Variants in MUC5AC observed in about 807,000 individuals in gnomAD.
MUC5AC encodes the protein mucin 5AC, oligomeric mucus/gel-forming, also known as mucin-5AC.
MUC5AC carries 158 observed loss-of-function variants against 169.7 expected under a neutral mutation model. The ratio of observed to expected loss-of-function variants is 0.93; its 90% CI spans 0.82 to 1.06. The LOEUF is 1.06. MUC5AC is among the 50% of genes least tolerant of loss of function. The probability of loss-of-function intolerance (pLI) is 0.00; values close to 1 mark genes in which losing one functional copy is unlikely to be tolerated. For synonymous variants in MUC5AC, 1,975 were observed against 1,237.0 expected (o/e 1.60, Z -12.52); for missense variants, 4,359 against 3,089.9 (o/e 1.41, Z -9.74).
At chr11:1,173,950 TTCAC>T (rs1337731130) in intron 16 of MUC5AC, among the ~76,000 whole-genome samples, 1 of 151,580 alleles carries the variant, frequency 6.6e-6, no homozygotes, top group Non-Finnish European at 1.5e-5. Flanking sequence ...CATTCATTCC[TTCAC>T]TCACTCATTC....
Position 1,162,135 on chromosome 11 carries a change from T to G in MUC5AC, c.440T>G (p.Leu147Arg). The G allele has an allele frequency of 6.2e-7, 1 of 1,612,602 alleles. No homozygotes were observed. Among genetic ancestry groups the G allele is most frequent in the Non-Finnish European group, 8.5e-7 (1 of 1,179,840 alleles). Residue 147 changes from leucine (L) to arginine (R), a missense_variant, in exon 4 of 49, where the codon CTG becomes CGG. Transcript: ENST00000621226. ...LMKVDGVVIQ[L>R]TKGSVLVNGH... ...AAGGTGGATGGCGTGGTCATCCAGC[T>G]GACCAAGGGCTCCGTCCTGGTCAAC...
At position 1,199,392 on chromosome 11, in the gene MUC5AC, G is replaced by A. The variant is rs774637339; in HGVS notation, c.16417G>A (p.Ala5473Thr). 5 of 723,186 alleles carry A rather than the reference G, an allele frequency of 6.9e-6. No individual in the cohort carries two copies. Among genetic ancestry groups the A allele is most frequent in the Non-Finnish European group, 1.3e-5 (5 of 396,772 alleles). 44.8% of individuals were successfully genotyped at this position (723,186 alleles called of 1,614,324 possible). A position where few individuals can be genotyped will look rare whatever the true frequency, so the allele number is the denominator to read the frequency against. ...CCAGCCCGGCGAGACCTGGTCAGAC[G>A]CAGGGAACCACTGTGTGACCCACCA... ...LFYPGETWSD[A>T]GNHCVTHQCE... Residue 5473 changes from alanine to threonine, a missense_variant, in exon 46 of 49, where the codon GCA becomes ACA. Physicochemically the swap from Ala to Thr is moderately conservative, Grantham distance 58. Coordinates refer to ENST00000621226, the MANE Select transcript of MUC5AC (RefSeq NM_001304359.2).
rs560792581 is a variant in MUC5AC at position 1,169,311 on chromosome 11, C to T, written c.1870+285C>T. On this transcript the variant is annotated intron_variant, in intron 15 of 48. Coordinates refer to ENST00000621226, the MANE Select transcript of MUC5AC (RefSeq NM_001304359.2). ...CCTGCACAGGGTGGAGTGGTGGGGA[C>T]GTGGGGAATGGATTCACCCACTCAC... Among the ~76,000 whole-genome samples the T allele has an allele frequency of 5.5e-4, 83 of 152,188 alleles. 1 individual carries two copies. Among genetic ancestry groups the T allele is most frequent in the Admixed American group, 5.3e-3 (81 of 15,292 alleles).
chr11:1,171,757 T>G (rs1860550239), intron 15 of MUC5AC, among the ~76,000 whole-genome samples: 1 of 80,062 alleles, frequency 1.2e-5, no homozygotes, highest in Non-Finnish European at 2.4e-5. Flanking sequence ...ACTCACCCAC[T>G]CAACACTCAC....
chr11:1,198,147 T>C (rs1376725708), intron 42 of MUC5AC, 121 bp from the exon 43 acceptor site: 4 of 690,306 alleles, frequency 5.8e-6, no homozygotes, highest in Non-Finnish European at 1.1e-5. Context: ...GAGATGAGGC[T>C]GGACAAACCC....
chr11:1,199,083 G>C lies in MUC5AC; in HGVS notation c.16297-4G>C, dbSNP rs767114898. The C allele has an allele frequency of 1.3e-6, 1 of 763,940 alleles. No individual in the cohort carries two copies. Among genetic ancestry groups the C allele is most frequent in the South Asian group, 1.3e-5 (1 of 74,430 alleles). The allele number at this position is 763,940 out of a possible 1,614,324, so 47.3% of individuals were successfully genotyped here. A position where few individuals can be genotyped will look rare whatever the true frequency, so the allele number is the denominator to read the frequency against. On this transcript the variant is annotated splice_polypyrimidine_tract_variant and splice_region_variant and intron_variant, in intron 44 of 48. Coordinates refer to ENST00000621226, the MANE Select transcript of MUC5AC (RefSeq NM_001304359.2). ...TTCCAGCCACATGTCCATCCCTCCC[G>C]CAGGGCTTCGAGTACCAGGAGCAGA...
Position 1,174,978 on chromosome 11 carries a change from C to T in MUC5AC, c.2189C>T (p.Thr730Ile). The change falls in exon 18 of 49, where the codon ACC (threonine) becomes ATC (isoleucine). Residue 730 changes from threonine (T) to isoleucine (I), a missense_variant. Physicochemically the swap from Thr to Ile is moderately conservative, Grantham distance 89. Coordinates refer to ENST00000621226, the MANE Select transcript of MUC5AC (RefSeq NM_001304359.2). Reference protein sequence around the residue: ...TCRSLSEGDITCSVGFIPVDG... With the variant: ...TCRSLSEGDIICSVGFIPVDG... ...CGCTCCCTGAGCGAGGGGGACATCA[C>T]CTGCAGTGTTGGCTTCATCCCCGTG... 2.4e-6 allele frequency: 1 copy of T among 409,526 alleles called. No homozygotes were observed. 25.4% of individuals were successfully genotyped at this position (409,526 alleles called of 1,614,324 possible).
chr11:1,200,586 C>T lies in MUC5AC; in HGVS notation c.16849C>T (p.Arg5617Trp), dbSNP rs754290834. 22 of 764,374 alleles carry T rather than the reference C, an allele frequency of 2.9e-5. No homozygotes were observed. Among genetic ancestry groups the T allele is most frequent in the Admixed American group, 1.0e-4 (6 of 58,960 alleles). The allele number at this position is 764,374 out of a possible 1,614,324, so 47.3% of individuals were successfully genotyped here. Residue 5617 changes from arginine (R) to tryptophan (W), a missense_variant, in exon 49 of 49, where the codon CGG (arginine) becomes TGG (tryptophan). Arg to Trp is a moderately radical substitution (Grantham distance 101). Transcript: ENST00000621226. ...GGTGGAAGAGTGCGGCTGCATGGGC[C>T]GGCGGTGCCCTGCGCCGGGCGACAC... is the stretch of plus-strand genomic sequence containing the variant. ...TEVEECGCMGRRCPAPGDTQH... is the reference protein window; with the variant it reads ...TEVEECGCMGWRCPAPGDTQH...
At position 1,199,965 on chromosome 11, in the gene MUC5AC, T is replaced by C. The variant is rs749417296; in HGVS notation, c.16696T>C (p.Ser5566Pro). 6.6e-6 allele frequency: 5 copies of C among 761,456 alleles called. No homozygotes were observed. Among genetic ancestry groups the C allele is most frequent in the Non-Finnish European group, 1.2e-5 (5 of 416,348 alleles). 47.2% of individuals were successfully genotyped at this position (761,456 alleles called of 1,614,324 possible). A position where few individuals can be genotyped will look rare whatever the true frequency, so the allele number is the denominator to read the frequency against. The change falls in exon 48 of 49, where the codon TCC becomes CCC. Residue 5566 changes from serine (S) to proline (P), a missense_variant. Coordinates refer to ENST00000621226, the MANE Select transcript of MUC5AC (RefSeq NM_001304359.2). ...YCRGNCGDSS[S>P]MYSLEGNTVE... ...CCGGGGGAACTGTGGGGACAGCTCT[T>C]CCATGTACGTGCCTGGGCAGCAGGC... is the stretch of plus-strand genomic sequence containing the variant.
Position 1,158,077 on chromosome 11 carries a change from G to A in MUC5AC, c.73+5G>A, listed in dbSNP as rs759636894. ...TGGCCTGCACCCGGCATACAGGTAC[G>A]GCTTGGCCCCTGGCCGCTCTACTGG... On this transcript the variant is annotated splice_donor_5th_base_variant and intron_variant, in intron 1 of 48. Transcript: ENST00000621226. 38 of 1,602,262 alleles carry A rather than the reference G, an allele frequency of 2.4e-5. No individual in the cohort carries two copies. Among genetic ancestry groups the A allele is most frequent in the South Asian group, 1.2e-4 (11 of 89,232 alleles).
At chr11:1,197,259 A>G (rs1861300649) in intron 40 of MUC5AC, among the ~76,000 whole-genome samples, 1 of 152,126 alleles carries the variant, frequency 6.6e-6, no homozygotes, top group South Asian at 2.1e-4. Flanking sequence ...GGCGCAGGCC[A>G]GTCACCCCAC....
At position 1,190,708 on chromosome 11, in the gene MUC5AC, C is replaced by T; in HGVS notation, c.12563C>T (p.Ala4188Val). 1.4e-6 allele frequency: 1 copy of T among 698,428 alleles called. No homozygotes were observed. The highest frequency in any genetic ancestry group is 2.6e-6 in the Non-Finnish European group (1 of 382,444). The allele number at this position is 698,428 out of a possible 1,614,324, so 43.3% of individuals were successfully genotyped here. A position where few individuals can be genotyped will look rare whatever the true frequency, so the allele number is the denominator to read the frequency against. ...GCCTCTACAACCAGCACAATCTCTG[C>T]CCCTACAACCAGCACAATCTCTTCC... ...ISASTTSTIS[A>V]PTTSTISSPT... The change falls in exon 31 of 49, where the codon GCC (alanine) becomes GTC (valine). Residue 4188 changes from alanine (A) to valine (V), a missense_variant. Coordinates refer to ENST00000621226, the MANE Select transcript of MUC5AC (RefSeq NM_001304359.2).
rs1860926775 is a variant in MUC5AC, at chr11:1,185,764, C to G, written c.7619C>G (p.Thr2540Arg). The stretch of plus-strand genomic sequence containing the variant: ...CCCAGCCCTGTTCCCACCACCAGCA[C>G]AACCTCTGCTCCTACAACCAGCACA... ...TTPSPVPTTS[T>R]TSAPTTSTTS... is the part of the protein sequence containing the mutation. The change falls in exon 31 of 49, where the codon ACA (threonine) becomes AGA (arginine). Residue 2540 changes from threonine to arginine, a missense_variant. Thr to Arg is a moderately conservative substitution (Grantham distance 71). Coordinates refer to ENST00000621226, the MANE Select transcript of MUC5AC (RefSeq NM_001304359.2). 1.3e-6 allele frequency: 1 copy of G among 743,104 alleles called. No individual in the cohort carries two copies. Among genetic ancestry groups the G allele is most frequent in the Admixed American group, 1.8e-5 (1 of 56,746 alleles). The allele number at this position is 743,104 out of a possible 1,614,324, so 46.0% of individuals were successfully genotyped here.
Position 1,187,994 on chromosome 11 carries a change from C to T in MUC5AC, c.9849C>T (p.His3283=). The T allele has an allele frequency of 1.3e-6, 1 of 759,750 alleles. No homozygotes were observed. The highest frequency in any genetic ancestry group is 2.4e-5 in the East Asian group (1 of 41,244). 47.1% of individuals were successfully genotyped at this position (759,750 alleles called of 1,614,324 possible). The change falls in exon 31 of 49, where the codon CAC becomes CAT. Residue 3283 remains histidine (H), a synonymous_variant. Transcript: ENST00000621226. Reference sequence around the variant, plus strand: ...GCCACCCGGAGGTGAGCATTGAACACCTGGGCCAGGTGGTGCAGTGCAGCC... The same window carrying T: ...GCCACCCGGAGGTGAGCATTGAACATCTGGGCCAGGTGGTGCAGTGCAGCC... ...AESHPEVSIE[H]LGQVVQCSRE...
intron 16 of MUC5AC, among the ~76,000 whole-genome samples, chr11:1,173,962 T>C (rs1308755961): frequency 1.3e-5 from 2 of 150,126 alleles, no homozygotes; most frequent in Non-Finnish European, 3.0e-5. Flanking sequence ...CACTCACTCA[T>C]TCACTCATTT....
intron 30 of MUC5AC, among the ~76,000 whole-genome samples, 170 bp downstream of exon 30, chr11:1,181,629 TC>T (rs1860817858): frequency 6.6e-6 from 1 of 152,054 alleles, no homozygotes; most frequent in African/African-American, 2.4e-5. Flanking sequence ...ACCTGCTGTT[TC>T]CCCACCAGCC....
At position 1,197,483 on chromosome 11, in the gene MUC5AC, G is replaced by A. The variant is rs1368288476; in HGVS notation, c.15877G>A (p.Gly5293Ser). ...GEPVKVGHTV[G>S]MDCQECTCEA... The stretch of plus-strand genomic sequence containing the variant: ...TTCCTTGCAGGTGGGCCACACCGTC[G>A]GCATGGACTGCCAGGAGTGCACGTG... Residue 5293 changes from glycine (G) to serine (S), a missense_variant, in exon 41 of 49, where the codon GGC becomes AGC. Coordinates refer to ENST00000621226, the MANE Select transcript of MUC5AC (RefSeq NM_001304359.2). 1.4e-6 allele frequency: 1 copy of A among 715,460 alleles called. No homozygotes were observed. The highest frequency in any genetic ancestry group is 1.5e-5 in the South Asian group (1 of 68,276). The allele number at this position is 715,460 out of a possible 1,614,324, so 44.3% of individuals were successfully genotyped here. A position where few individuals can be genotyped will look rare whatever the true frequency, so the allele number is the denominator to read the frequency against.
At position 1,185,789 on chromosome 11, in the gene MUC5AC, A is replaced by G; in HGVS notation, c.7644A>G (p.Thr2548=). Residue 2548 remains threonine (T), a synonymous_variant, in exon 31 of 49, where the codon ACA becomes ACG. Coordinates refer to ENST00000621226, the MANE Select transcript of MUC5AC (RefSeq NM_001304359.2). ...CAACCTCTGCTCCTACAACCAGCAC[A>G]ACCTCTGCCCCTATAAGCAGCACAA... ...TSTTSAPTTS[T]TSAPISSTTS... is the part of the protein sequence containing the mutation. The G allele has an allele frequency of 1.3e-6, 1 of 741,080 alleles. No individual in the cohort carries two copies. The highest frequency in any genetic ancestry group is 2.5e-6 in the Non-Finnish European group (1 of 403,730). 45.9% of individuals were successfully genotyped at this position (741,080 alleles called of 1,614,324 possible). A position where few individuals can be genotyped will look rare whatever the true frequency, so the allele number is the denominator to read the frequency against.
In MUC5AC at chr11:1,187,540, C is replaced by A; in HGVS notation, c.9395C>A (p.Thr3132Lys). 2.7e-6 allele frequency: 2 copies of A among 751,324 alleles called. No individual in the cohort carries two copies. Among genetic ancestry groups the A allele is most frequent in the Non-Finnish European group, 4.9e-6 (2 of 411,348 alleles). 46.5% of individuals were successfully genotyped at this position (751,324 alleles called of 1,614,324 possible). A position where few individuals can be genotyped will look rare whatever the true frequency, so the allele number is the denominator to read the frequency against. ...TTPSPIPTTS[T>K]TSPPTTSTTS... ...CCCAGCCCTATTCCTACCACCAGCA[C>A]AACCTCTCCTCCTACAACCAGCACA... Residue 3132 changes from threonine (T) to lysine (K), a missense_variant, in exon 31 of 49, where the codon ACA (threonine) becomes AAA (lysine). Physicochemically the swap from Thr to Lys is moderately conservative, Grantham distance 78. Coordinates refer to ENST00000621226, the MANE Select transcript of MUC5AC (RefSeq NM_001304359.2).
Sources: allele counts gnomAD v4.1 joint callset (sites outside exome capture counted in the v4.1 genomes callset), GRCh38; gene constraint gnomAD v4.1.1; transcripts MANE v1.5; gene names NCBI Gene and HGNC (gene_info 2026-07-23, HGNC 2026-07-21).